WWOX: variants seen among roughly 807,000 people sequenced by gnomAD.
WWOX encodes WW domain-containing oxidoreductase.
Under a neutral mutation model 46.2 loss-of-function variants are expected in WWOX, and 69 were observed. That is an observed-to-expected ratio of 1.49 (90% CI 1.23 to 1.82). The LOEUF is 1.82. Among genes scored for constraint, WWOX ranks in the 40% most tolerant of loss-of-function variants. WWOX has a pLI of 0.00. For synonymous variants in WWOX, 359 were observed against 202.6 expected, an observed-to-expected ratio of 1.77 and a Z score of -6.56; for missense variants, 919 against 542.6, an observed-to-expected ratio of 1.69 and a Z score of -6.89.
At chr16:78,724,538 C>G in intron 8 of WWOX, among the ~76,000 whole-genome samples, 1 of 152,120 alleles carries the variant, frequency 6.6e-6, no homozygotes. Context: ...TATTACAGTC[C>G]ATTATTTACA....
chr16:78,556,978 C>G (rs1431108496), intron 8 of WWOX, among the ~76,000 whole-genome samples: 1 of 152,038 alleles, frequency 6.6e-6, no homozygotes, highest in East Asian at 1.9e-4. Flanking sequence ...CTCAGCCTCC[C>G]AAAGTGCAGG....
At chr16:78,930,130 G>A (rs933247837) in intron 8 of WWOX, among the ~76,000 whole-genome samples, 1 of 151,952 alleles carries the variant, frequency 6.6e-6, no homozygotes, top group East Asian at 1.9e-4. Context: ...GGGTCTGGCA[G>A]AGAAACAATA....
At chr16:79,173,450 C>G (rs745518818) in intron 8 of WWOX, among the ~76,000 whole-genome samples, 1 of 152,196 alleles carries the variant, frequency 6.6e-6, no homozygotes, top group Non-Finnish European at 1.5e-5. Flanking sequence ...CAGGCAGAGA[C>G]TGGGACCAGA....
chr16:78,589,758 T>A (rs1373785325), intron 8 of WWOX, among the ~76,000 whole-genome samples: 2 of 152,200 alleles, frequency 1.3e-5, no homozygotes, highest in African/African-American at 4.8e-5. Flanking sequence ...TGGTTTCTTC[T>A]CATTTAATAG....
At chr16:78,612,291 G>C (rs2045919477) in intron 8 of WWOX, among the ~76,000 whole-genome samples, 1 of 152,170 alleles carries the variant, frequency 6.6e-6, no homozygotes, top group South Asian at 2.1e-4. Flanking sequence ...CTTGGATGTT[G>C]ATTTCTAAAG....
intron 8 of WWOX, 151 bp downstream of exon 8, chr16:78,432,903 C>T (rs1691847018): frequency 7.9e-7 from 1 of 1,266,686 alleles, no homozygotes; most frequent in Non-Finnish European, 1.1e-6. Context: ...AACACATTTT[C>T]ATCAACTTTA....
intron 8 of WWOX, among the ~76,000 whole-genome samples, chr16:79,197,963 A>G (rs2051272691): frequency 6.6e-6 from 1 of 152,168 alleles, no homozygotes; most frequent in Non-Finnish European, 1.5e-5. Flanking sequence ...GCAGTTATAA[A>G]TCTTCCCTTA....
intron 8 of WWOX, among the ~76,000 whole-genome samples, chr16:79,050,168 G>C (rs1382898280): frequency 6.6e-6 from 1 of 152,176 alleles, no homozygotes; most frequent in Non-Finnish European, 1.5e-5. Context: ...CGTGTGTGTG[G>C]GGTTCAGCAG....
chr16:78,885,403 A>T (rs2044434102), intron 8 of WWOX, among the ~76,000 whole-genome samples: 1 of 152,212 alleles, frequency 6.6e-6, no homozygotes, highest in African/African-American at 2.4e-5. Context: ...CAGTCAGATA[A>T]ATTAATATTG....
At chr16:79,098,512 A>T (rs1187802803) in intron 8 of WWOX, among the ~76,000 whole-genome samples, 4 of 152,252 alleles carry the variant, frequency 2.6e-5, no homozygotes, top group African/African-American at 9.6e-5. Flanking sequence ...CTTCCCTGGT[A>T]CTGATGGTTG....
At chr16:79,064,481 TTTG>T (rs1346655183) in intron 8 of WWOX, among the ~76,000 whole-genome samples, 1 of 152,018 alleles carries the variant, frequency 6.6e-6, no homozygotes. Flanking sequence ...CATCATCACG[TTTG>T]TTGAGGGATT....
chr16:78,841,837 T>A (rs2052159471), intron 8 of WWOX, among the ~76,000 whole-genome samples: 2 of 152,230 alleles, frequency 1.3e-5, no homozygotes, highest in African/African-American at 4.8e-5. Context: ...ATTATGTTAT[T>A]CATGAATTTT....
intron 8 of WWOX, among the ~76,000 whole-genome samples, chr16:79,011,701 G>A (rs1021996032): frequency 1.3e-4 from 20 of 151,708 alleles, no homozygotes; most frequent in African/African-American, 4.6e-4. Context: ...CCGTGTTGCC[G>A]AGGCTGGTCT....
At chr16:78,357,919 G>A (rs1037098570) in intron 5 of WWOX, among the ~76,000 whole-genome samples, 4 of 152,174 alleles carry the variant, frequency 2.6e-5, no homozygotes, top group South Asian at 4.1e-4. Context: ...TTGCCTAAGC[G>A]GTGGACGCAT....
At chr16:78,701,545 T>C (rs1382680338) in intron 8 of WWOX, among the ~76,000 whole-genome samples, 1 of 152,018 alleles carries the variant, frequency 6.6e-6, no homozygotes, top group African/African-American at 2.4e-5. Context: ...CTCTCCCTAC[T>C]TTTCTCTTTT....
At chr16:78,402,375 TGTCA>T (rs1429063104) in intron 6 of WWOX, among the ~76,000 whole-genome samples, 1 of 152,252 alleles carries the variant, frequency 6.6e-6, no homozygotes. Context: ...TTTATCTGGT[TGTCA>T]GTCGGATATT....
chr16:78,191,118 G>A (rs1000978798), intron 5 of WWOX, among the ~76,000 whole-genome samples: 3 of 152,144 alleles, frequency 2.0e-5, no homozygotes, highest in South Asian at 2.1e-4. Flanking sequence ...AGATGATGCC[G>A]CTGGACCACT....
intron 8 of WWOX, among the ~76,000 whole-genome samples, chr16:78,936,824 T>A (rs2045747911): frequency 6.6e-6 from 1 of 152,172 alleles, no homozygotes; most frequent in Non-Finnish European, 1.5e-5. Flanking sequence ...AATCCATCGC[T>A]GTCAGGCTCA....
chr16:78,126,366 G>T (rs765778797), intron 4 of WWOX, among the ~76,000 whole-genome samples: 7 of 152,080 alleles, frequency 4.6e-5, no homozygotes, highest in Non-Finnish European at 1.0e-4. Context: ...ATGCTCCTTT[G>T]CCCAGCATCC....
Sources: allele counts gnomAD v4.1 joint callset (sites outside exome capture counted in the v4.1 genomes callset), GRCh38; gene constraint gnomAD v4.1.1; transcripts MANE v1.5; gene names NCBI Gene and HGNC (gene_info 2026-07-23, HGNC 2026-07-21).